Variants in MYOF observed in about 807,000 individuals in gnomAD.
The protein encoded by MYOF is fer-1-like 3, myoferlin.
Under a neutral mutation model 284.2 loss-of-function variants are expected in MYOF, and 244 were observed. That is an observed-to-expected ratio of 0.86 (90% confidence interval 0.77 to 0.95). The LOEUF (loss-of-function observed/expected upper bound fraction) is 0.95, where lower values mean the gene tolerates loss of function less well. MYOF is among the 40% of genes least tolerant of loss of function. MYOF has a pLI of 0.00. For missense variants in MYOF, 2,496 were observed against 2,560.6 expected, an observed-to-expected ratio of 0.97 and a Z score of 0.54; for synonymous variants, 904 against 919.7, an observed-to-expected ratio of 0.98 and a Z score of 0.31.
At chr10:93,318,760 A>G (rs1842729275) in intron 49 of MYOF, among the ~76,000 whole-genome samples, 1 of 152,172 alleles carries the variant, frequency 6.6e-6, no homozygotes, top group African/African-American at 2.4e-5. Flanking sequence ...CTCTGTCTCA[A>G]AAAAACAAAA....
At chr10:93,332,060 C>T (rs994838513) in intron 43 of MYOF, among the ~76,000 whole-genome samples, 2 of 152,120 alleles carry the variant, frequency 1.3e-5, no homozygotes, top group African/African-American at 2.4e-5. Flanking sequence ...CTTACCCCAC[C>T]TCTATTAATA....
At chr10:93,348,949 C>T (rs1844373835) in intron 36 of MYOF, among the ~76,000 whole-genome samples, 1 of 151,980 alleles carries the variant, frequency 6.6e-6, no homozygotes, top group South Asian at 2.1e-4. Context: ...AATCATTTCC[C>T]CTCTTTAGGC....
intron 3 of MYOF, among the ~76,000 whole-genome samples, chr10:93,433,150 T>TTTTA (rs111782136): frequency 0.13 from 19,731 of 151,768 alleles, 1,342 homozygotes; most frequent in Middle Eastern, 0.2. Flanking sequence ...ATTTAGAATG[T>TTTTA]TTTATTTATT....
rs1255561786 is a variant in MYOF, at chr10:93,399,420, A to G, written c.1193T>C (p.Phe398Ser). Residue 398 changes from phenylalanine to serine, a missense_variant, in exon 13 of 54, where the codon TTT becomes TCT. By Grantham distance (155) the Phe-to-Ser change is radical (BLOSUM62 -2). Coordinates refer to ENST00000359263, the MANE Select transcript of MYOF (RefSeq NM_013451.4). ...NADKKNLVDPFVEVSFAGKKV... is the reference protein window; with the variant it reads ...NADKKNLVDPSVEVSFAGKKV... ...TTTTCCAGCAAAGGAAACTTCTACA[A>G]AAGGATCCACGAGATTTTTCTTATC... The G allele has an allele frequency of 6.2e-7, 1 of 1,613,686 alleles. No homozygotes were observed.
At chr10:93,472,879 G>C (rs2057181180) in intron 1 of MYOF, among the ~76,000 whole-genome samples, 1 of 152,200 alleles carries the variant, frequency 6.6e-6, no homozygotes, top group African/African-American at 2.4e-5. Context: ...AATGGGGGAA[G>C]AAGTGGGGCA....
At chr10:93,476,593 C>G (rs900240987) in intron 1 of MYOF, among the ~76,000 whole-genome samples, 19 of 151,958 alleles carry the variant, frequency 1.3e-4, no homozygotes, top group African/African-American at 4.6e-4. Context: ...TTTCAAATAG[C>G]AAAGCAGGTT....
Position 93,306,784 on chromosome 10 carries a change from G to T in MYOF, c.*179C>A. The T allele has an allele frequency of 1.6e-6, 1 of 642,360 alleles. No individual in the cohort carries two copies. The highest frequency in any genetic ancestry group is 2.8e-6 in the Non-Finnish European group (1 of 359,812). The allele number at this position is 642,360 out of a possible 1,614,324, so 39.8% of individuals were successfully genotyped here. A position where few individuals can be genotyped will look rare whatever the true frequency, so the allele number is the denominator to read the frequency against. On this transcript the variant is annotated 3_prime_UTR_variant, in exon 54 of 54. Transcript: ENST00000359263. Reference sequence around the variant, plus strand: ...ACTTAAGAGATAACATGATGCAAACGTTGCTTGTTGGCCTGACTTTCCAGG... The same window carrying T: ...ACTTAAGAGATAACATGATGCAAACTTTGCTTGTTGGCCTGACTTTCCAGG...
At chr10:93,307,189 C>G (rs1034388689) in intron 53 of MYOF, among the ~76,000 whole-genome samples, 188 bp from the exon 54 acceptor site, 2 of 100,166 alleles carry the variant, frequency 2.0e-5, no homozygotes, top group African/African-American at 3.0e-5. Context: ...GCCAGTAGCA[C>G]CCCCCCGCCA....
rs1589478154 is a variant in MYOF, at chr10:93,384,414, C to T, written c.1699-3018G>A. Among the ~76,000 whole-genome samples the T allele has an allele frequency of 2.0e-5, 3 of 152,212 alleles. No individual in the cohort carries two copies. In the East Asian group the frequency reaches 5.8e-4, roughly 29 times the overall value. ...CAGCACTTTGGGAGGCCGAGGCTGGCGGCGGATTACCTGAGGTCAGGAGTT... is the reference window on the plus strand; with the variant it reads ...CAGCACTTTGGGAGGCCGAGGCTGGTGGCGGATTACCTGAGGTCAGGAGTT... On this transcript the variant is annotated intron_variant, in intron 19 of 53. Transcript: ENST00000359263.
chr10:93,398,868 T>C (rs1202253569), intron 13 of MYOF, among the ~76,000 whole-genome samples: 2 of 152,138 alleles, frequency 1.3e-5, no homozygotes, highest in East Asian at 3.9e-4. Context: ...TCTTTGACCA[T>C]CTCTGTAGGT....
chr10:93,460,190 G>GA (rs1400313391), intron 1 of MYOF, among the ~76,000 whole-genome samples: 2 of 152,136 alleles, frequency 1.3e-5, no homozygotes, highest in African/African-American at 4.8e-5. Flanking sequence ...GGAGGTCACA[G>GA]AAAAAACCAG....
rs146978985 is a variant in MYOF, at chr10:93,405,506, C to T, written c.730-1287G>A. Among the ~76,000 whole-genome samples the T allele has an allele frequency of 2.6e-5, 4 of 152,278 alleles. No individual in the cohort carries two copies. The East Asian group carries it at 7.7e-4, about 29-fold the overall frequency. Reference sequence around the variant, plus strand: ...ATGAAGTTTCACTATGTTGCTCGGGCTGGTCTTGAACTACAGGCCTCAAGT... The same window carrying T: ...ATGAAGTTTCACTATGTTGCTCGGGTTGGTCTTGAACTACAGGCCTCAAGT... On this transcript the variant is annotated intron_variant, in intron 7 of 53. Coordinates refer to ENST00000359263, the MANE Select transcript of MYOF (RefSeq NM_013451.4).
chr10:93,337,801 A>G lies in MYOF; in HGVS notation c.4437+14T>C, dbSNP rs775916828. On this transcript the variant is annotated intron_variant, in intron 40 of 53. Coordinates refer to ENST00000359263, the MANE Select transcript of MYOF (RefSeq NM_013451.4). ...ATGTTGATTCTCCACCCATAGCAGC[A>G]TAGATCCAGGTACCTTGAGCTTGGA... is the stretch of plus-strand genomic sequence containing the variant. 2.5e-6 allele frequency: 4 copies of G among 1,606,876 alleles called. No individual in the cohort carries two copies. Among genetic ancestry groups the G allele is most frequent in the East Asian group, 2.2e-5 (1 of 44,840 alleles).
At chr10:93,423,797 C>T (rs1033765159) in intron 5 of MYOF, among the ~76,000 whole-genome samples, 9 of 150,896 alleles carry the variant, frequency 6.0e-5, no homozygotes, top group African/African-American at 2.2e-4. Context: ...CGTGCCACTG[C>T]ACTCCAGCCT....
chr10:93,337,908 T>G lies in MYOF; in HGVS notation c.4344A>C (p.Glu1448Asp). 6.2e-7 allele frequency: 1 copy of G among 1,613,268 alleles called. No homozygotes were observed. The highest frequency in any genetic ancestry group is 1.1e-5 in the South Asian group (1 of 91,050). The change falls in exon 40 of 54, where the codon GAA becomes GAC. Residue 1448 changes from glutamate (E) to aspartate (D), a missense_variant. Physicochemically the swap from Glu to Asp is conservative, Grantham distance 45. Around this residue, in one of 3 missense-constraint regions of MYOF, gnomAD observed 2,436 missense variants for 2,480.7 expected, o/e 0.98. Transcript: ENST00000359263. ...ATTTACTCCACCAGTCCACGATTTC[T>G]TCCTCCTAAAGACATGCCAAAATGG... is the stretch of plus-strand genomic sequence containing the variant. ...LLASKLTEKE[E>D]EIVDWWSKFY...
intron 3 of MYOF, among the ~76,000 whole-genome samples, chr10:93,443,092 C>T (rs1178343529): frequency 1.4e-5 from 2 of 144,206 alleles, no homozygotes; most frequent in Admixed American, 7.2e-5. Context: ...AACCCGGAGG[C>T]GGAGGTTGCA....
intron 19 of MYOF, among the ~76,000 whole-genome samples, chr10:93,386,523 T>TGCTA (rs1846373183): frequency 6.6e-6 from 1 of 152,228 alleles, no homozygotes; most frequent in African/African-American, 2.4e-5. Context: ...GCTGTGGTGA[T>TGCTA]GCTAGGTTCC....
chr10:93,311,351 T>C (rs184154983), intron 51 of MYOF, among the ~76,000 whole-genome samples: 5 of 151,986 alleles, frequency 3.3e-5, no homozygotes, highest in Non-Finnish European at 5.9e-5. Flanking sequence ...GGCTTATGCC[T>C]GTAATCCCAG....
At chr10:93,387,002 T>C (rs1846403900) in intron 19 of MYOF, among the ~76,000 whole-genome samples, 1 of 152,134 alleles carries the variant, frequency 6.6e-6, no homozygotes, top group Admixed American at 6.5e-5. Context: ...AGGCTGACTG[T>C]CAGGGACCCA....
Sources: allele counts gnomAD v4.1 joint callset (sites outside exome capture counted in the v4.1 genomes callset), GRCh38; gene constraint gnomAD v4.1.1; regional missense constraint gnomAD v4.1.1; transcripts MANE v1.5; gene names NCBI Gene and HGNC (gene_info 2026-07-23, HGNC 2026-07-21).